Variants in PTPRD observed in about 807,000 individuals in gnomAD.
The protein encoded by PTPRD is protein tyrosine phosphatase receptor type D, also known as receptor-type tyrosine-protein phosphatase delta.
In PTPRD, 34 loss-of-function variants were observed where a neutral mutation model predicts 214.5. The ratio of observed to expected loss-of-function variants is 0.16; its 90% confidence interval spans 0.12 to 0.21. The LOEUF is 0.21. Ranked by LOEUF, PTPRD falls within the 10% of genes least tolerant of loss-of-function variation. The pLI is 1.00. For synonymous variants in PTPRD, 1,128 were observed against 845.7 expected (o/e 1.33, Z -5.79); for missense variants, 2,545 against 2,398.7 (o/e 1.06, Z -1.27).
intron 9 of PTPRD, among the ~76,000 whole-genome samples, 159 bp from the exon 10 acceptor site, chr9:9,183,522 T>C (rs572990036): frequency 2.3e-4 from 35 of 152,020 alleles, no homozygotes; most frequent in Non-Finnish European, 3.7e-4. Context: ...TTTTATGAAA[T>C]ACAATCTTTA....
Position 9,670,654 on chromosome 9 carries a change from C to T in PTPRD, c.-287+63879G>A, listed in dbSNP as rs114465024. ...TGCAGCTTAGAGACTTGGTGCCCTG[C>T]GTCCCAGCTGTGCCTGCCATGGCTG... is the stretch of plus-strand genomic sequence containing the variant. On this transcript the variant is annotated intron_variant, in intron 7 of 45. Transcript: ENST00000381196. Among the ~76,000 whole-genome samples, 1,481 of 152,284 alleles carry T rather than the reference C, an allele frequency of 9.7e-3. 14 individuals are homozygous for T. The highest frequency in any genetic ancestry group is 0.016 in the African/African-American group (655 of 41,572).
intron 2 of PTPRD, among the ~76,000 whole-genome samples, chr9:10,573,498 T>C (rs184203042): frequency 2.6e-5 from 4 of 152,268 alleles, no homozygotes; most frequent in African/African-American, 4.8e-5. Flanking sequence ...GAAGGCAAGA[T>C]GGCCAACTAG....
intron 3 of PTPRD, among the ~76,000 whole-genome samples, chr9:10,173,868 C>G (rs952814970): frequency 6.6e-6 from 1 of 151,480 alleles, no homozygotes; most frequent in Admixed American, 6.6e-5. Flanking sequence ...AATAGTTAAA[C>G]CTTGAATGTT....
At chr9:10,379,610 C>G (rs1024889186) in intron 2 of PTPRD, among the ~76,000 whole-genome samples, 20 of 152,016 alleles carry the variant, frequency 1.3e-4, no homozygotes, top group Admixed American at 1.2e-3. Context: ...TAAAGAAATA[C>G]ATTTTTATGT....
intron 43 of PTPRD, among the ~76,000 whole-genome samples, chr9:8,338,072 G>A (rs1848711784): frequency 6.6e-6 from 1 of 152,012 alleles, no homozygotes; most frequent in Non-Finnish European, 1.5e-5. Context: ...GGGATTAGCA[G>A]ACAATCTCCA....
At chr9:9,540,472 G>A (rs567304797) in intron 8 of PTPRD, among the ~76,000 whole-genome samples, 1 of 151,842 alleles carries the variant, frequency 6.6e-6, no homozygotes, top group Admixed American at 6.6e-5. Context: ...GATGGAGAAA[G>A]CACTGAGTGA....
intron 12 of PTPRD, among the ~76,000 whole-genome samples, chr9:8,657,360 G>T (rs1164418368): frequency 6.6e-6 from 1 of 151,732 alleles, no homozygotes; most frequent in Non-Finnish European, 1.5e-5. Flanking sequence ...GTAGAGACAG[G>T]GTTTCACTAT....
chr9:8,361,769 G>C (rs1450766078), intron 39 of PTPRD, among the ~76,000 whole-genome samples: 1 of 152,102 alleles, frequency 6.6e-6, no homozygotes, highest in Non-Finnish European at 1.5e-5. Context: ...TCTCCACTTT[G>C]GGGTATGTTT....
chr9:8,356,759 G>C lies in PTPRD; in HGVS notation c.4662-14781C>G, dbSNP rs868267791. Among the ~76,000 whole-genome samples, 5 of 152,036 alleles carry C rather than the reference G, an allele frequency of 3.3e-5. No homozygotes were observed. The South Asian group carries it at 1.0e-3, about 31-fold the overall frequency. On this transcript the variant is annotated intron_variant, in intron 39 of 45. Coordinates refer to ENST00000381196, the MANE Select transcript of PTPRD (RefSeq NM_002839.4). Reference sequence around the variant, plus strand: ...CAGGCTGATTTCCTTTCCTTATAGAGTATATTACATATAAACACAGGCAGG... The same window carrying C: ...CAGGCTGATTTCCTTTCCTTATAGACTATATTACATATAAACACAGGCAGG...
chr9:8,538,123 C>G (rs761532076), intron 14 of PTPRD, among the ~76,000 whole-genome samples: 1 of 151,898 alleles, frequency 6.6e-6, no homozygotes, highest in Non-Finnish European at 1.5e-5. Context: ...ATCCAATATC[C>G]ATCCACTTTC....
At chr9:8,598,550 A>T (rs2094601330) in intron 14 of PTPRD, among the ~76,000 whole-genome samples, 1 of 152,234 alleles carries the variant, frequency 6.6e-6, no homozygotes, top group Non-Finnish European at 1.5e-5. Context: ...ACATATAATC[A>T]GTCAATATGA....
At chr9:9,014,834 C>A (rs1379628052) in intron 11 of PTPRD, among the ~76,000 whole-genome samples, 2 of 152,110 alleles carry the variant, frequency 1.3e-5, no homozygotes. Context: ...ATCATTTCAA[C>A]CTTTCTCCAA....
At chr9:9,753,458 G>T (rs1004272721) in intron 6 of PTPRD, among the ~76,000 whole-genome samples, 1 of 152,050 alleles carries the variant, frequency 6.6e-6, no homozygotes, top group Non-Finnish European at 1.5e-5. Context: ...TCAGGCTAAA[G>T]CACGCAAGGC....
intron 3 of PTPRD, among the ~76,000 whole-genome samples, chr9:10,209,078 G>A (rs1459331830): frequency 6.6e-6 from 1 of 152,152 alleles, no homozygotes; most frequent in Non-Finnish European, 1.5e-5. Context: ...GAATGCTGCA[G>A]TTCGTGATTT....
chr9:9,040,609 G>T (rs1017284732), intron 10 of PTPRD, among the ~76,000 whole-genome samples: 1 of 151,960 alleles, frequency 6.6e-6, no homozygotes, highest in Non-Finnish European at 1.5e-5. Flanking sequence ...TTTTGTACTT[G>T]AAGTGATTTA....
At chr9:9,012,252 G>A (rs2099514922) in intron 11 of PTPRD, among the ~76,000 whole-genome samples, 1 of 152,152 alleles carries the variant, frequency 6.6e-6, no homozygotes, top group Non-Finnish European at 1.5e-5. Flanking sequence ...GCCTCCAGAT[G>A]AGAACCAAGC....
intron 34 of PTPRD, among the ~76,000 whole-genome samples, chr9:8,439,482 A>G (rs1590478374): frequency 2.0e-5 from 3 of 152,354 alleles, no homozygotes; most frequent in Admixed American, 2.0e-4. Context: ...ATGGAAAACT[A>G]GTATGCAGTT....
chr9:10,146,512 A>G (rs2099023966), intron 3 of PTPRD, among the ~76,000 whole-genome samples: 1 of 152,142 alleles, frequency 6.6e-6, no homozygotes, highest in African/African-American at 2.4e-5. Flanking sequence ...GGGAATAAGA[A>G]TGCAGGTTGT....
chr9:9,037,797 G>A (rs1298746091), intron 10 of PTPRD, among the ~76,000 whole-genome samples: 4 of 152,104 alleles, frequency 2.6e-5, no homozygotes, highest in African/African-American at 9.7e-5. Context: ...CTTTTCACCA[G>A]GGCCAGATTG....
Sources: gnomAD v4.1 joint callset for allele counts (sites outside exome capture counted in the v4.1 genomes callset) on GRCh38, gnomAD v4.1.1 for gene constraint, MANE v1.5 for transcripts, NCBI Gene and HGNC (gene_info 2026-07-23, HGNC 2026-07-21) for gene names.